The following TRAPPC8 variants were observed in gnomAD, a reference collection of about 807,000 sequenced individuals.
TRAPPC8 encodes trafficking protein particle complex subunit 8.
TRAPPC8 carries 54 observed loss-of-function variants against 174.3 expected under a neutral mutation model. The ratio of observed to expected loss-of-function variants is 0.31; its 90% CI spans 0.25 to 0.39. TRAPPC8 has a LOEUF of 0.39. Ranked by LOEUF, TRAPPC8 falls within the 10% of genes least tolerant of loss-of-function variation. The pLI, the probability that TRAPPC8 is intolerant of heterozygous loss-of-function variation, is 1.00. For synonymous variants in TRAPPC8, 630 were observed against 579.9 expected, an observed-to-expected ratio of 1.09 and a Z score of -1.24; for missense variants, 1,531 against 1,699.1, an observed-to-expected ratio of 0.90 and a Z score of 1.74.
chr18:31,852,344 A>C, intron 24 of TRAPPC8, 102 bp downstream of exon 24: 1 of 1,381,714 alleles, frequency 7.2e-7, no homozygotes, highest in East Asian at 2.4e-5. Context: ...CTCCCCCCCA[A>C]AAAAAAGCGT....
intron 2 of TRAPPC8, among the ~76,000 whole-genome samples, chr18:31,929,425 G>A (rs2145616715): frequency 6.6e-6 from 1 of 152,126 alleles, no homozygotes; most frequent in Middle Eastern, 3.4e-3. Flanking sequence ...TACTTGGGAG[G>A]CTGAGGTGAG....
intron 14 of TRAPPC8, among the ~76,000 whole-genome samples, chr18:31,873,049 A>T (rs78863742): frequency 9.4e-6 from 1 of 106,890 alleles, no homozygotes; most frequent in African/African-American, 3.8e-5. Context: ...ACAAAGTTTC[A>T]CTCTGTCGCC....
chr18:31,870,342 C>T (rs757205339), intron 16 of TRAPPC8, 30 bp downstream of exon 16: 3 of 1,580,048 alleles, frequency 1.9e-6, no homozygotes, highest in South Asian at 2.3e-5. Context: ...GTAGCTGAAA[C>T]ATAATTACAA....
rs773535599 is a variant in TRAPPC8 at position 31,857,524 on chromosome 18, G to A, written c.3188+16C>T. On this transcript the variant is annotated intron_variant, in intron 20 of 28. Coordinates refer to ENST00000283351, the MANE Select transcript of TRAPPC8 (RefSeq NM_014939.5). ...TGAACATAGATGTTAAATTTTATAA[G>A]TTTTATAATACTAACCGTATTTTTG... The A allele has an allele frequency of 6.5e-7, 1 of 1,544,428 alleles. No individual in the cohort carries two copies. Among genetic ancestry groups the A allele is most frequent in the Non-Finnish European group, 8.7e-7 (1 of 1,148,640 alleles).
intron 27 of TRAPPC8, among the ~76,000 whole-genome samples, chr18:31,834,929 T>A (rs2032620127): frequency 6.6e-6 from 1 of 152,228 alleles, no homozygotes. Flanking sequence ...TTTGTGTTTC[T>A]ACATCTATCT....
chr18:31,913,567 G>A (rs768061414), intron 4 of TRAPPC8, 45 bp from the exon 5 acceptor site: 5 of 1,481,432 alleles, frequency 3.4e-6, no homozygotes, highest in African/African-American at 1.4e-5. Flanking sequence ...AGAGGAGCAG[G>A]CCTTAGGCAA....
intron 2 of TRAPPC8, among the ~76,000 whole-genome samples, chr18:31,929,343 T>C (rs1383414813): frequency 6.6e-6 from 1 of 151,984 alleles, no homozygotes; most frequent in African/African-American, 2.4e-5. Flanking sequence ...CACTTGAACA[T>C]AGTGAGACCC....
chr18:31,888,098 GAACA>G (rs2035800428), intron 12 of TRAPPC8, among the ~76,000 whole-genome samples: 1 of 151,986 alleles, frequency 6.6e-6, no homozygotes, highest in African/African-American at 2.4e-5. Flanking sequence ...CAAAGAACAT[GAACA>G]GACACTTCTC....
At chr18:31,874,049 C>T (rs1318888318) in intron 13 of TRAPPC8, 9 of 192,830 alleles carry the variant, frequency 4.7e-5, no homozygotes, top group African/African-American at 1.9e-4. Flanking sequence ...CTCCATTGCA[C>T]CATAATAGCC....
chr18:31,904,313 A>G (rs138503733), intron 9 of TRAPPC8, among the ~76,000 whole-genome samples: 1 of 152,004 alleles, frequency 6.6e-6, no homozygotes, highest in African/African-American at 2.4e-5. Flanking sequence ...ATTTTGAGAG[A>G]CCGAGGTGGG....
At chr18:31,869,713 G>A (rs545356636) in intron 16 of TRAPPC8, among the ~76,000 whole-genome samples, 12 of 152,168 alleles carry the variant, frequency 7.9e-5, no homozygotes, top group South Asian at 4.2e-4. Flanking sequence ...ATCAGAATAC[G>A]CCTATAAAAC....
intron 25 of TRAPPC8, among the ~76,000 whole-genome samples, chr18:31,848,697 A>G (rs2145032951): frequency 6.6e-6 from 1 of 152,318 alleles, no homozygotes; most frequent in South Asian, 2.1e-4. Flanking sequence ...CCTAGTATGA[A>G]CATGTCTCTT....
chr18:31,942,190 A>G (rs985269254), intron 1 of TRAPPC8, among the ~76,000 whole-genome samples: 1 of 152,244 alleles, frequency 6.6e-6, no homozygotes, highest in Non-Finnish European at 1.5e-5. Flanking sequence ...AGTCCAGTTT[A>G]ACATCCAAGG....
intron 11 of TRAPPC8, among the ~76,000 whole-genome samples, chr18:31,893,175 T>C (rs1449921823): frequency 6.6e-6 from 1 of 152,190 alleles, no homozygotes; most frequent in African/African-American, 2.4e-5. Flanking sequence ...TTTTCTGCTT[T>C]GTAAGAGCCC....
At chr18:31,895,319 T>C (rs764939272) in intron 11 of TRAPPC8, among the ~76,000 whole-genome samples, 6 of 152,152 alleles carry the variant, frequency 3.9e-5, no homozygotes, top group Non-Finnish European at 5.9e-5. Flanking sequence ...TAAACATGCC[T>C]AATAATCATT....
At chr18:31,890,701 T>G (rs201593846) in intron 12 of TRAPPC8, 34 bp downstream of exon 12, 2 of 1,578,808 alleles carry the variant, frequency 1.3e-6, no homozygotes, top group Middle Eastern at 1.7e-4. Context: ...ATAAAATAAA[T>G]AGCAACTTTT....
At chr18:31,836,920 C>T (rs899212056) in intron 27 of TRAPPC8, among the ~76,000 whole-genome samples, 2 of 152,008 alleles carry the variant, frequency 1.3e-5, no homozygotes, top group Non-Finnish European at 2.9e-5. Flanking sequence ...CGCCACCACA[C>T]CCGGCTAATT....
rs768485989 is a variant in TRAPPC8, at chr18:31,852,712, G to T, written c.3434-49C>A. On this transcript the variant is annotated intron_variant, in intron 22 of 28. Coordinates refer to ENST00000283351, the MANE Select transcript of TRAPPC8 (RefSeq NM_014939.5). ...AAAGATGTTTCTCAGTTCATCACAT[G>T]ATAAAAACCAATTCATTATTTAGAC... 1.2e-5 allele frequency: 17 copies of T among 1,438,602 alleles called. No individual in the cohort carries two copies. The African/African-American group carries it at 1.6e-4, about 13-fold the overall frequency. 89.1% of individuals were successfully genotyped at this position (1,438,602 alleles called of 1,614,324 possible).
At position 31,943,057 on chromosome 18, in the gene TRAPPC8, C is replaced by T; in HGVS notation, c.-293G>A. 4.0e-6 allele frequency: 2 copies of T among 503,216 alleles called. No homozygotes were observed. Among genetic ancestry groups the T allele is most frequent in the Non-Finnish European group, 6.2e-6 (2 of 320,136 alleles). 31.2% of individuals were successfully genotyped at this position (503,216 alleles called of 1,614,324 possible). A position where few individuals can be genotyped will look rare whatever the true frequency, so the allele number is the denominator to read the frequency against. On this transcript the variant is annotated 5_prime_UTR_variant, in exon 1 of 29. Transcript: ENST00000283351. ...AGTCACCACTTAGTCCTTCGGACGGCAAAACCTTGGTCACTGCCCGGCCGG... is the reference window on the plus strand; with the variant it reads ...AGTCACCACTTAGTCCTTCGGACGGTAAAACCTTGGTCACTGCCCGGCCGG...
Sources: allele counts gnomAD v4.1 joint callset (sites outside exome capture counted in the v4.1 genomes callset), GRCh38; gene constraint gnomAD v4.1.1; transcripts MANE v1.5; gene names NCBI Gene and HGNC (gene_info 2026-07-23, HGNC 2026-07-21).